CDH18: variants seen among roughly 807,000 people sequenced by gnomAD.
CDH18 encodes cadherin-18.
A neutral mutation model predicts 67.9 loss-of-function variants in CDH18; 31 were observed. The observed-to-expected ratio is 0.46, with a 90% CI of 0.34 to 0.62. CDH18 has a LOEUF of 0.62. Ranked by LOEUF, CDH18 falls within the 20% of genes least tolerant of loss-of-function variation. The pLI is 0.01. For missense variants in CDH18, 890 were observed against 975.5 expected, an observed-to-expected ratio of 0.91 and a Z score of 1.17; for synonymous variants, 362 against 347.2, an observed-to-expected ratio of 1.04 and a Z score of -0.48.
chr5:20,094,215 C>T (rs1745685904), intron 2 of CDH18, among the ~76,000 whole-genome samples: 2 of 152,160 alleles, frequency 1.3e-5, no homozygotes, highest in African/African-American at 4.8e-5. Flanking sequence ...TTCCTCCTGT[C>T]TAGCCACCTA....
intron 1 of CDH18, among the ~76,000 whole-genome samples, chr5:20,499,390 G>C (rs1048385865): frequency 6.6e-6 from 1 of 151,820 alleles, no homozygotes. Flanking sequence ...TATTGTTATT[G>C]TTATTTTTTA....
intron 11 of CDH18, among the ~76,000 whole-genome samples, chr5:19,489,028 A>T (rs1424364933): frequency 6.6e-6 from 1 of 152,014 alleles, no homozygotes; most frequent in Non-Finnish European, 1.5e-5. Flanking sequence ...CATCCCTTTG[A>T]CCATCTGCCA....
intron 2 of CDH18, among the ~76,000 whole-genome samples, chr5:19,916,714 C>A (rs1361035464): frequency 6.6e-6 from 1 of 152,054 alleles, no homozygotes; most frequent in South Asian, 2.1e-4. Context: ...GACATTTATT[C>A]TTACAAATTT....
At chr5:20,284,473 T>C (rs766252791) in intron 1 of CDH18, among the ~76,000 whole-genome samples, 1 of 152,160 alleles carries the variant, frequency 6.6e-6, no homozygotes, top group Admixed American at 6.6e-5. Flanking sequence ...TGCTGATTAA[T>C]CTACATGCCT....
At chr5:19,855,405 A>T (rs998712492) in intron 2 of CDH18, among the ~76,000 whole-genome samples, 3 of 151,444 alleles carry the variant, frequency 2.0e-5, no homozygotes, top group Admixed American at 6.6e-5. Flanking sequence ...ATAAATTTAT[A>T]GTATCTTTGA....
At chr5:19,944,907 C>T (rs1795149167) in intron 2 of CDH18, among the ~76,000 whole-genome samples, 1 of 152,054 alleles carries the variant, frequency 6.6e-6, no homozygotes, top group African/African-American at 2.4e-5. Flanking sequence ...TGTTCATTTA[C>T]CATTACATTT....
intron 1 of CDH18, among the ~76,000 whole-genome samples, chr5:20,258,721 C>CT (rs1334079803): frequency 6.6e-6 from 1 of 151,988 alleles, no homozygotes. Context: ...TACTTTCATA[C>CT]TTACATGTTC....
chr5:20,471,889 G>C (rs1436197567), intron 1 of CDH18, among the ~76,000 whole-genome samples: 2 of 11,454 alleles, frequency 1.7e-4, no homozygotes, highest in Non-Finnish European at 3.9e-4. Flanking sequence ...GTCAGACCAA[G>C]TTTTCCGTCT....
At chr5:20,077,027 C>G (rs1561771196) in intron 2 of CDH18, among the ~76,000 whole-genome samples, 1 of 152,102 alleles carries the variant, frequency 6.6e-6, no homozygotes, top group African/African-American at 2.4e-5. Context: ...ATTGTGTTGT[C>G]TTTACCACTG....
Position 19,479,372 on chromosome 5 carries a change from T to C in CDH18, c.1882+3929A>G, listed in dbSNP as rs901591386. 7.9e-5 allele frequency among the ~76,000 whole-genome samples: 12 copies of C among 152,202 alleles called. 1 individual carries two copies. Among genetic ancestry groups the C allele is most frequent in the Admixed American group, 5.9e-4 (9 of 15,270 alleles). On this transcript the variant is annotated intron_variant, in intron 12 of 12. Coordinates refer to ENST00000382275, the MANE Select transcript of CDH18 (RefSeq NM_004934.5). ...TAAAGTTTTGCTACATTTGGTTTTG[T>C]CGATATTTATGCCGAAAATCATAAT...
intron 9 of CDH18, among the ~76,000 whole-genome samples, chr5:19,533,230 G>A (rs180704227): frequency 6.6e-5 from 10 of 152,288 alleles, no homozygotes; most frequent in East Asian, 1.9e-4. Context: ...TATTATGTCC[G>A]TAAGCCAAAG....
At chr5:19,489,687 A>T (rs546493371) in intron 11 of CDH18, among the ~76,000 whole-genome samples, 32 of 152,272 alleles carry the variant, frequency 2.1e-4, no homozygotes, top group South Asian at 8.3e-4. Context: ...AAGATTTTTA[A>T]AAAAAAGTAT....
At chr5:20,552,784 T>C (rs1381951510) in intron 1 of CDH18, among the ~76,000 whole-genome samples, 3 of 152,244 alleles carry the variant, frequency 2.0e-5, no homozygotes, top group South Asian at 2.1e-4. Context: ...AACAGAGTCT[T>C]GCTCTGTTGC....
intron 4 of CDH18, among the ~76,000 whole-genome samples, chr5:19,721,797 C>A (rs1356224144): frequency 6.6e-6 from 1 of 152,026 alleles, no homozygotes; most frequent in African/African-American, 2.4e-5. Flanking sequence ...ACTCATATAT[C>A]AAATTGCTAC....
In CDH18 at chr5:19,591,222, A is replaced by G. The variant is rs766602562; in HGVS notation, c.834T>C (p.Pro278=). The change falls in exon 7 of 13, where the codon CCT becomes CCC. Residue 278 remains proline, a synonymous_variant. Transcript: ENST00000382275. The stretch of plus-strand genomic sequence containing the variant: ...CAGCTGAACCAACTTGAGCTGACTC[A>G]GGAACATATAGCTGATAGTGTTCTG... ...FPQKHYQLYV[P]ESAQVGSAVG... 3 of 1,610,174 alleles carry G rather than the reference A, an allele frequency of 1.9e-6. No individual in the cohort carries two copies. The highest frequency in any genetic ancestry group is 1.1e-5 in the South Asian group (1 of 90,540).
intron 1 of CDH18, among the ~76,000 whole-genome samples, chr5:20,534,050 TAAAGA>T (rs562021249): frequency 5.5e-4 from 83 of 152,144 alleles, no homozygotes; most frequent in African/African-American, 1.9e-3. Flanking sequence ...AACATTTTCA[TAAAGA>T]AAAGTGTCTT....
At chr5:19,888,366 T>A (rs1788448098) in intron 2 of CDH18, among the ~76,000 whole-genome samples, 1 of 152,124 alleles carries the variant, frequency 6.6e-6, no homozygotes, top group Non-Finnish European at 1.5e-5. Context: ...TTTATTTATG[T>A]CTTCTTTGTT....
intron 4 of CDH18, among the ~76,000 whole-genome samples, chr5:19,741,745 T>C (rs1769241446): frequency 6.6e-6 from 1 of 152,188 alleles, no homozygotes; most frequent in Admixed American, 6.5e-5. Context: ...TAATTCTTTA[T>C]ATTGCATGTT....
intron 3 of CDH18, among the ~76,000 whole-genome samples, chr5:19,828,534 C>T (rs553473812): frequency 1.3e-5 from 2 of 152,188 alleles, no homozygotes; most frequent in African/African-American, 4.8e-5. Flanking sequence ...CAAAAAGCTA[C>T]TCCACCATGA....
Sources: gnomAD v4.1 joint callset for allele counts (sites outside exome capture counted in the v4.1 genomes callset) on GRCh38, gnomAD v4.1.1 for gene constraint, MANE v1.5 for transcripts, NCBI Gene and HGNC (gene_info 2026-07-23, HGNC 2026-07-21) for gene names.